Variants in STXBP6 observed in about 807,000 individuals in gnomAD.
The protein encoded by STXBP6 is syntaxin binding protein 6.
A neutral mutation model predicts 26.9 loss-of-function variants in STXBP6; 21 were observed. That is an observed-to-expected ratio of 0.78 (90% CI 0.55 to 1.12). STXBP6 has a LOEUF of 1.12. Among genes scored for constraint, STXBP6 ranks in the 50% most tolerant of loss-of-function variants. The probability of loss-of-function intolerance (pLI) is 0.00; values close to 1 mark genes in which losing one functional copy is unlikely to be tolerated. For missense variants in STXBP6, 232 were observed against 257.9 expected, an observed-to-expected ratio of 0.90 and a Z score of 0.69; for synonymous variants, 97 against 92.6, an observed-to-expected ratio of 1.05 and a Z score of -0.27.
chr14:24,969,537 T>C (rs1348775693), intron 2 of STXBP6, among the ~76,000 whole-genome samples: 1 of 152,242 alleles, frequency 6.6e-6, no homozygotes. Flanking sequence ...CTTTACACTT[T>C]GAATGTGTTA....
chr14:24,825,050 C>A (rs1466377696), intron 4 of STXBP6, among the ~76,000 whole-genome samples: 1 of 152,222 alleles, frequency 6.6e-6, no homozygotes, highest in Non-Finnish European at 1.5e-5. Flanking sequence ...GATCTAGCCA[C>A]ACTCCTTTAT....
chr14:25,024,783 T>C (rs2075319424), intron 1 of STXBP6, among the ~76,000 whole-genome samples: 1 of 152,152 alleles, frequency 6.6e-6, no homozygotes, highest in Non-Finnish European at 1.5e-5. Flanking sequence ...GCTAATTCAG[T>C]AGAGGGCAGG....
At chr14:24,908,233 C>T (rs1335472597) in intron 2 of STXBP6, among the ~76,000 whole-genome samples, 3 of 152,160 alleles carry the variant, frequency 2.0e-5, no homozygotes, top group Non-Finnish European at 4.4e-5. Flanking sequence ...TACCATCTTA[C>T]CCAACTCTAT....
At chr14:24,916,030 C>T (rs1279068459) in intron 2 of STXBP6, among the ~76,000 whole-genome samples, 1 of 152,024 alleles carries the variant, frequency 6.6e-6, no homozygotes, top group Non-Finnish European at 1.5e-5. Flanking sequence ...TCTGAAGTAA[C>T]TACCAGAAAA....
chr14:24,882,277 GC>G (rs1441602971), intron 2 of STXBP6, among the ~76,000 whole-genome samples: 2 of 146,570 alleles, frequency 1.4e-5, no homozygotes, highest in East Asian at 4.0e-4. Flanking sequence ...TACTTGGGAG[GC>G]TGAGGCAGGA....
intron 1 of STXBP6, among the ~76,000 whole-genome samples, chr14:25,004,164 A>C (rs1280812494): frequency 6.6e-6 from 1 of 152,188 alleles, no homozygotes; most frequent in Non-Finnish European, 1.5e-5. Context: ...CTCAAATTCT[A>C]ACTTGAAATA....
chr14:24,895,332 T>C (rs1433886260), intron 2 of STXBP6, among the ~76,000 whole-genome samples: 1 of 152,198 alleles, frequency 6.6e-6, no homozygotes, highest in Non-Finnish European at 1.5e-5. Context: ...AATTGTACCA[T>C]TAAGGAAAAG....
At chr14:25,005,077 A>G (rs1409173521) in intron 1 of STXBP6, among the ~76,000 whole-genome samples, 1 of 152,192 alleles carries the variant, frequency 6.6e-6, no homozygotes, top group Non-Finnish European at 1.5e-5. Flanking sequence ...CAAAAGACAC[A>G]ATCTCAGTGA....
chr14:24,858,260 C>T (rs568851349), intron 2 of STXBP6, among the ~76,000 whole-genome samples: 1 of 152,166 alleles, frequency 6.6e-6, no homozygotes, highest in South Asian at 2.1e-4. Flanking sequence ...CTACAGTTCA[C>T]GCATTCCATA....
intron 1 of STXBP6, among the ~76,000 whole-genome samples, chr14:25,015,820 A>C (rs2075136143): frequency 6.6e-6 from 1 of 152,046 alleles, no homozygotes; most frequent in Non-Finnish European, 1.5e-5. Context: ...AAAAAGCTCA[A>C]ACTGCTACTT....
intron 2 of STXBP6, among the ~76,000 whole-genome samples, chr14:24,861,258 C>T (rs900244163): frequency 2.6e-5 from 4 of 152,034 alleles, no homozygotes; most frequent in African/African-American, 7.2e-5. Context: ...AACCACCAGA[C>T]ATTTTGATTT....
chr14:24,868,742 C>A (rs768493364), intron 2 of STXBP6, among the ~76,000 whole-genome samples: 1 of 152,146 alleles, frequency 6.6e-6, no homozygotes, highest in Non-Finnish European at 1.5e-5. Flanking sequence ...GAACTTCTAC[C>A]GCAATAGCCC....
intron 2 of STXBP6, among the ~76,000 whole-genome samples, chr14:24,882,893 G>T (rs2070427123): frequency 6.6e-6 from 1 of 152,106 alleles, no homozygotes; most frequent in Non-Finnish European, 1.5e-5. Context: ...CTTTCAGTCA[G>T]TAATATTTCT....
At chr14:25,037,138 G>A (rs902189177) in intron 1 of STXBP6, among the ~76,000 whole-genome samples, 5 of 152,158 alleles carry the variant, frequency 3.3e-5, no homozygotes, top group African/African-American at 1.2e-4. Context: ...AGATCAGCAG[G>A]ACCGCAGGAA....
chr14:25,018,381 C>T (rs1034151659), intron 1 of STXBP6, among the ~76,000 whole-genome samples: 1 of 152,132 alleles, frequency 6.6e-6, no homozygotes, highest in Non-Finnish European at 1.5e-5. Context: ...TAAACCCTCC[C>T]GGTTTTACAA....
In STXBP6 at chr14:25,020,814, C is replaced by G. The variant is rs992800784; in HGVS notation, c.-33+29064G>C. ...CTTTCCATAGCACTGCTGCAAAATG[C>G]CCTAACTTGCCTTGCTCAACCTCCC... On this transcript the variant is annotated intron_variant, in intron 1 of 5. Coordinates refer to ENST00000323944, the MANE Select transcript of STXBP6 (RefSeq NM_001394410.1). 2.6e-5 allele frequency among the ~76,000 whole-genome samples: 4 copies of G among 152,172 alleles called. No individual in the cohort carries two copies. The East Asian group carries it at 7.7e-4, about 29-fold the overall frequency.
chr14:24,961,413 T>A (rs2073531897), intron 2 of STXBP6, among the ~76,000 whole-genome samples: 1 of 149,170 alleles, frequency 6.7e-6, no homozygotes. Context: ...CAAATAAAAG[T>A]TAAAAAAATT....
chr14:25,034,430 T>C (rs2075516923), intron 1 of STXBP6, among the ~76,000 whole-genome samples: 1 of 152,232 alleles, frequency 6.6e-6, no homozygotes, highest in African/African-American at 2.4e-5. Flanking sequence ...GCTGAGCATA[T>C]TTAAAATGCA....
At chr14:24,936,057 G>A (rs2072585571) in intron 2 of STXBP6, among the ~76,000 whole-genome samples, 1 of 152,194 alleles carries the variant, frequency 6.6e-6, no homozygotes, top group African/African-American at 2.4e-5. Context: ...AGAACCAGAT[G>A]TCTTTGAACT....
Sources: allele counts gnomAD v4.1 joint callset (sites outside exome capture counted in the v4.1 genomes callset), GRCh38; gene constraint gnomAD v4.1.1; transcripts MANE v1.5; gene names NCBI Gene and HGNC (gene_info 2026-07-23, HGNC 2026-07-21).